Variants in KCNIP1 observed in about 807,000 individuals in gnomAD.
KCNIP1 encodes the protein A-type potassium channel modulatory protein KCNIP1.
Under a neutral mutation model 33.0 loss-of-function variants are expected in KCNIP1, and 18 were observed. The ratio of observed to expected loss-of-function variants is 0.55; its 90% CI spans 0.38 to 0.81. The LOEUF (loss-of-function observed/expected upper bound fraction) is 0.81, where lower values mean the gene tolerates loss of function less well. Among genes scored for constraint, KCNIP1 ranks in the 30% least tolerant of loss-of-function variants. The pLI, the probability that KCNIP1 is intolerant of heterozygous loss-of-function variation, is 0.00. For synonymous variants in KCNIP1, 93 were observed against 98.3 expected, an observed-to-expected ratio of 0.95 and a Z score of 0.32; for missense variants, 238 against 271.6, an observed-to-expected ratio of 0.88 and a Z score of 0.87.
intron 1 of KCNIP1, among the ~76,000 whole-genome samples, chr5:170,444,232 T>G (rs1473029173): frequency 6.6e-6 from 1 of 152,166 alleles, no homozygotes; most frequent in African/African-American, 2.4e-5. Flanking sequence ...GCTGCGTTCC[T>G]TCTGGGGTCC....
At chr5:170,574,363 G>C (rs77502927) in intron 1 of KCNIP1, among the ~76,000 whole-genome samples, 10,529 of 152,238 alleles carry the variant, frequency 0.069, 506 homozygotes, top group African/African-American at 0.13. Context: ...AGCTATACAT[G>C]CATTTAAGAA....
At chr5:170,715,313 C>A (rs1379897725) in intron 1 of KCNIP1, among the ~76,000 whole-genome samples, 1 of 152,192 alleles carries the variant, frequency 6.6e-6, no homozygotes, top group Non-Finnish European at 1.5e-5. Context: ...AACTGCCTAA[C>A]AACACATTTC....
At chr5:170,357,795 G>A (rs962255952) in intron 1 of KCNIP1, among the ~76,000 whole-genome samples, 1 of 152,176 alleles carries the variant, frequency 6.6e-6, no homozygotes, top group Non-Finnish European at 1.5e-5. Flanking sequence ...CCAAAGTGCT[G>A]GGATTACAGG....
At chr5:170,552,454 G>A (rs1345866591) in intron 1 of KCNIP1, among the ~76,000 whole-genome samples, 3 of 152,208 alleles carry the variant, frequency 2.0e-5, no homozygotes, top group South Asian at 4.1e-4. Flanking sequence ...AAGAAAGCAG[G>A]AGGCCACGAG....
chr5:170,454,540 CTCTG>C (rs1756330097), intron 1 of KCNIP1, among the ~76,000 whole-genome samples: 1 of 152,186 alleles, frequency 6.6e-6, no homozygotes, highest in Non-Finnish European at 1.5e-5. Context: ...GGTTTTTGTA[CTCTG>C]TCTTACACAG....
intron 1 of KCNIP1, among the ~76,000 whole-genome samples, chr5:170,565,406 T>C (rs1757171804): frequency 6.6e-6 from 1 of 152,240 alleles, no homozygotes; most frequent in African/African-American, 2.4e-5. Context: ...GCCAAGGTAC[T>C]GCAGGAAGCT....
intron 1 of KCNIP1, among the ~76,000 whole-genome samples, chr5:170,653,045 G>C (rs1761113612): frequency 6.6e-6 from 1 of 152,288 alleles, no homozygotes; most frequent in East Asian, 1.9e-4. Flanking sequence ...CACACAGCTG[G>C]GTCGGGGGAA....
chr5:170,445,337 C>G (rs997875416), intron 1 of KCNIP1, among the ~76,000 whole-genome samples: 2 of 152,088 alleles, frequency 1.3e-5, no homozygotes, highest in African/African-American at 4.8e-5. Context: ...CCTTGCTGAT[C>G]GGAGAGTCAA....
intron 1 of KCNIP1, among the ~76,000 whole-genome samples, chr5:170,524,331 G>A (rs945659812): frequency 3.9e-5 from 6 of 152,144 alleles, no homozygotes; most frequent in Admixed American, 1.3e-4. Flanking sequence ...GTTGTCCAAT[G>A]TGGCTTTGCC....
In KCNIP1 at chr5:170,719,002, G is replaced by A. The variant is rs1763727129; in HGVS notation, c.186+120G>A. 2.3e-6 allele frequency: 3 copies of A among 1,300,916 alleles called. No homozygotes were observed. In the African/African-American group the frequency reaches 4.7e-5, roughly 20 times the overall value. 80.6% of individuals were successfully genotyped at this position (1,300,916 alleles called of 1,614,324 possible). On this transcript the variant is annotated intron_variant, in intron 2 of 7. Coordinates refer to ENST00000328939, the MANE Select transcript of KCNIP1 (RefSeq NM_014592.4). ...ATGTGAGGCTGTACAAGGAAGGCCA[G>A]CTCTATAAAGGGGGCATGAGAGGGA...
At chr5:170,597,794 T>G (rs1273356912) in intron 1 of KCNIP1, among the ~76,000 whole-genome samples, 4 of 12,214 alleles carry the variant, frequency 3.3e-4, no homozygotes, top group African/African-American at 1.4e-3. Flanking sequence ...AATATATATA[T>G]ATATATATAT....
At chr5:170,394,467 G>GT (rs1754703577) in intron 1 of KCNIP1, among the ~76,000 whole-genome samples, 1 of 148,924 alleles carries the variant, frequency 6.7e-6, no homozygotes, top group South Asian at 2.1e-4. Context: ...TCGTGCTTTG[G>GT]TTTTCGGGAA....
chr5:170,516,960 T>C (rs1581262748), intron 1 of KCNIP1, among the ~76,000 whole-genome samples: 1 of 152,058 alleles, frequency 6.6e-6, no homozygotes, highest in African/African-American at 2.4e-5. Flanking sequence ...GTGGTGGTGA[T>C]GATGTTTGTG....
chr5:170,533,455 G>A (rs1036791689), intron 1 of KCNIP1, among the ~76,000 whole-genome samples: 3 of 152,206 alleles, frequency 2.0e-5, no homozygotes, highest in African/African-American at 7.2e-5. Context: ...TAACTTGCTT[G>A]AGGCCATGAT....
At position 170,504,026 on chromosome 5, in the gene KCNIP1, C is replaced by T; in HGVS notation, c.-547C>T. 1.0e-6 allele frequency: 1 copy of T among 984,598 alleles called. No individual in the cohort carries two copies. The highest frequency in any genetic ancestry group is 1.2e-6 in the Non-Finnish European group (1 of 829,370). 61.0% of individuals were successfully genotyped at this position (984,598 alleles called of 1,614,324 possible). On this transcript the variant is annotated 5_prime_UTR_variant, in exon 1 of 8. Coordinates refer to ENST00000328939, the MANE Select transcript of KCNIP1 (RefSeq NM_014592.4). The surrounding 1 kb of genome is among the most constrained non-coding windows in gnomAD (Gnocchi z 6.0). Reference sequence around the variant, plus strand: ...CCGCCCCCTCCGCCGCTCCGACTCTCGCCCCGAGCGCTGGCAGCAGGCAGC... The same window carrying T: ...CCGCCCCCTCCGCCGCTCCGACTCTTGCCCCGAGCGCTGGCAGCAGGCAGC...
chr5:170,406,580 C>A (rs545453145), intron 1 of KCNIP1, among the ~76,000 whole-genome samples: 5 of 152,326 alleles, frequency 3.3e-5, no homozygotes, highest in African/African-American at 1.2e-4. Flanking sequence ...CTGTTCAAGG[C>A]AGCATGGCCT....
intron 1 of KCNIP1, among the ~76,000 whole-genome samples, chr5:170,576,211 C>G (rs62394309): frequency 2.0e-5 from 3 of 152,206 alleles, no homozygotes; most frequent in African/African-American, 4.8e-5. Flanking sequence ...TCTGCATAAG[C>G]ATGGCTCATC....
intron 1 of KCNIP1, among the ~76,000 whole-genome samples, chr5:170,458,702 T>C (rs1756443442): frequency 6.6e-6 from 1 of 152,208 alleles, no homozygotes; most frequent in African/African-American, 2.4e-5. Flanking sequence ...AAAGGAGCTC[T>C]AAACCTTCAA....
intron 1 of KCNIP1, among the ~76,000 whole-genome samples, chr5:170,653,162 AC>A (rs1238788677): frequency 6.6e-6 from 1 of 152,036 alleles, no homozygotes; most frequent in Non-Finnish European, 1.5e-5. Context: ...CCAGCTATGA[AC>A]CCCATTCCTT....
Sources: gnomAD v4.1 joint callset for allele counts (sites outside exome capture counted in the v4.1 genomes callset) on GRCh38, gnomAD v4.1.1 for gene constraint, Gnocchi (gnomAD v3.1) non-coding constraint, MANE v1.5 for transcripts, NCBI Gene and HGNC (gene_info 2026-07-23, HGNC 2026-07-21) for gene names.